Variants in DOCK8 observed in about 807,000 individuals in gnomAD.
DOCK8 encodes dedicator of cytokinesis 8.
A neutral mutation model predicts 245.6 loss-of-function variants in DOCK8; 141 were observed. The ratio of observed to expected loss-of-function variants is 0.57; its 90% CI spans 0.50 to 0.66. DOCK8 has a LOEUF of 0.66. DOCK8 is among the 30% of genes least tolerant of loss of function. DOCK8 has a pLI of 0.00. For synonymous variants in DOCK8, 1,168 were observed against 970.2 expected, an observed-to-expected ratio of 1.20 and a Z score of -3.79; for missense variants, 2,965 against 2,603.4, an observed-to-expected ratio of 1.14 and a Z score of -3.02.
At chr9:277,354 G>T (rs1207354926) in intron 2 of DOCK8, among the ~76,000 whole-genome samples, 1 of 151,880 alleles carries the variant, frequency 6.6e-6, no homozygotes, top group African/African-American at 2.4e-5. Flanking sequence ...GAACTCAGGA[G>T]TTGGAGGCTG....
chr9:255,504 C>T (rs1160336481), intron 1 of DOCK8, among the ~76,000 whole-genome samples: 1 of 151,950 alleles, frequency 6.6e-6, no homozygotes, highest in African/African-American at 2.4e-5. Context: ...CCCATCTCTA[C>T]TAAAAATACA....
intron 14 of DOCK8, among the ~76,000 whole-genome samples, chr9:343,211 G>A (rs1023834723): frequency 7.2e-5 from 11 of 152,156 alleles, no homozygotes; most frequent in African/African-American, 2.2e-4. Flanking sequence ...AAAAATTACA[G>A]CGAGGTGGCC....
At chr9:414,150 A>G (rs1406439341) in intron 28 of DOCK8, among the ~76,000 whole-genome samples, 1 of 151,226 alleles carries the variant, frequency 6.6e-6, no homozygotes, top group Non-Finnish European at 1.5e-5. Flanking sequence ...AAAAAAGTTA[A>G]ACAGACAGTT....
intron 4 of DOCK8, among the ~76,000 whole-genome samples, chr9:295,287 G>T (rs1049585433): frequency 2.6e-5 from 4 of 152,138 alleles, no homozygotes; most frequent in Non-Finnish European, 4.4e-5. Flanking sequence ...TCTGGGAGTG[G>T]GGAAGAGGGC....
At chr9:253,973 C>T (rs1246878135) in intron 1 of DOCK8, among the ~76,000 whole-genome samples, 2 of 152,176 alleles carry the variant, frequency 1.3e-5, no homozygotes, top group Non-Finnish European at 2.9e-5. Flanking sequence ...GCAAAGTATT[C>T]TAAAACTGTT....
intron 38 of DOCK8, among the ~76,000 whole-genome samples, chr9:434,263 A>G (rs1172830582): frequency 6.6e-6 from 1 of 152,134 alleles, no homozygotes; most frequent in African/African-American, 2.4e-5. Context: ...AGAATAATTA[A>G]CTGTTATAGG....
intron 42 of DOCK8, 128 bp downstream of exon 42, chr9:442,137 C>T: frequency 5.1e-6 from 7 of 1,371,426 alleles, no homozygotes; most frequent in Non-Finnish European, 7.0e-6. Context: ...AAGTTTTCCC[C>T]TTTGCATTTA....
At chr9:394,698 T>C (rs2054364245) in intron 24 of DOCK8, among the ~76,000 whole-genome samples, 1 of 152,210 alleles carries the variant, frequency 6.6e-6, no homozygotes, top group South Asian at 2.1e-4. Context: ...GACATGAAGT[T>C]CCACATTAAG....
chr9:414,543 G>A (rs894858693), intron 28 of DOCK8, among the ~76,000 whole-genome samples: 1 of 151,662 alleles, frequency 6.6e-6, no homozygotes, highest in Admixed American at 6.6e-5. Flanking sequence ...GGTTTTCCAG[G>A]GTTAGAACAC....
At chr9:256,713 T>G (rs114835770) in intron 1 of DOCK8, among the ~76,000 whole-genome samples, 1 of 152,138 alleles carries the variant, frequency 6.6e-6, no homozygotes, top group Non-Finnish European at 1.5e-5. Context: ...TAAAACACCC[T>G]GAGCTGAAAG....
At chr9:298,912 A>T (rs2049399365) in intron 4 of DOCK8, among the ~76,000 whole-genome samples, 1 of 151,296 alleles carries the variant, frequency 6.6e-6, no homozygotes, top group Non-Finnish European at 1.5e-5. Flanking sequence ...AAAAAAAAAA[A>T]GGCAAAGGGC....
At chr9:405,935 C>G (rs538202248) in intron 27 of DOCK8, among the ~76,000 whole-genome samples, 1 of 152,312 alleles carries the variant, frequency 6.6e-6, no homozygotes, top group East Asian at 1.9e-4. Context: ...TAAAACTTCC[C>G]TGGACTAAGC....
At chr9:334,749 TA>T (rs912712112) in intron 11 of DOCK8, among the ~76,000 whole-genome samples, 38 of 143,560 alleles carry the variant, frequency 2.6e-4, no homozygotes, top group East Asian at 6.1e-4. Flanking sequence ...CTCCTAAACC[TA>T]AAAAAAAAAG....
intron 31 of DOCK8, 50 bp from the exon 32 acceptor site, chr9:420,899 C>T: frequency 6.2e-7 from 1 of 1,610,932 alleles, no homozygotes; most frequent in Non-Finnish European, 8.5e-7. Flanking sequence ...CTCTCCCCAT[C>T]AACGGAGATC....
At chr9:370,835 C>T (rs1586824515) in intron 16 of DOCK8, among the ~76,000 whole-genome samples, 1 of 152,270 alleles carries the variant, frequency 6.6e-6, no homozygotes, top group East Asian at 1.9e-4. Context: ...GGGTTTGATC[C>T]GGGCCTGATA....
At position 334,365 on chromosome 9, in the gene DOCK8, T is replaced by C; in HGVS notation, c.1266T>C (p.Thr422=). 1 of 1,613,584 alleles carries C rather than the reference T, an allele frequency of 6.2e-7. No homozygotes were observed. Among genetic ancestry groups the C allele is most frequent in the Non-Finnish European group, 8.5e-7 (1 of 1,179,520 alleles). ...TCTCCACCCTTGAGAGGGAGGTAAC[T>C]GATGTGGACTCTGTGGTTGGTAAGA... The part of the protein sequence containing the change: ...FNVSTLEREV[T]DVDSVVGRSS... Residue 422 remains threonine (T), a synonymous_variant, in exon 11 of 48, where the codon ACT becomes ACC. Transcript: ENST00000432829.
chr9:283,373 C>G (rs1427452693), intron 2 of DOCK8, among the ~76,000 whole-genome samples: 1 of 152,154 alleles, frequency 6.6e-6, no homozygotes, highest in Non-Finnish European at 1.5e-5. Context: ...AGGTCACAGT[C>G]AAAACATTGT....
chr9:317,862 ACAC>A (rs938856556), intron 7 of DOCK8, among the ~76,000 whole-genome samples: 6 of 152,160 alleles, frequency 3.9e-5, no homozygotes, highest in Non-Finnish European at 5.9e-5. Context: ...CCCTTTATAA[ACAC>A]CATATAATTA....
intron 27 of DOCK8, 46 bp from the exon 28 acceptor site, chr9:406,884 A>C (rs770241047): frequency 6.2e-7 from 1 of 1,613,656 alleles, no homozygotes; most frequent in Non-Finnish European, 8.5e-7. Flanking sequence ...CGCTATTTTC[A>C]TTCCAGTTCT....
Sources: allele counts gnomAD v4.1 joint callset (sites outside exome capture counted in the v4.1 genomes callset), GRCh38; gene constraint gnomAD v4.1.1; transcripts MANE v1.5; gene names NCBI Gene and HGNC (gene_info 2026-07-23, HGNC 2026-07-21).